MAPT: variants seen among roughly 807,000 people sequenced by gnomAD.
MAPT encodes the protein microtubule associated protein tau.
MAPT carries 34 observed loss-of-function variants against 67.9 expected under a neutral mutation model. That is an observed-to-expected ratio of 0.50 (90% CI 0.38 to 0.67). The LOEUF is 0.67. Ranked by LOEUF, MAPT falls within the 30% of genes least tolerant of loss-of-function variation. MAPT has a pLI of 0.00. For synonymous variants in MAPT, 456 were observed against 464.5 expected, an observed-to-expected ratio of 0.98 and a Z score of 0.23; for missense variants, 881 against 1,115.2, an observed-to-expected ratio of 0.79 and a Z score of 2.99.
chr17:46,013,027 T>C (rs12150530), intron 10 of MAPT, among the ~76,000 whole-genome samples: 17,010 of 152,236 alleles, frequency 0.11, 1,189 homozygotes, highest in Non-Finnish European at 0.15. Flanking sequence ...ACATGCCAGC[T>C]GACACCAAAA....
chr17:46,011,039 C>T (rs1230555204), intron 10 of MAPT, among the ~76,000 whole-genome samples: 2 of 152,224 alleles, frequency 1.3e-5, no homozygotes, highest in Admixed American at 6.5e-5. Flanking sequence ...AACCAAAGTG[C>T]GACAGGTCCC....
At chr17:45,944,286 G>A (rs1299423177) in intron 1 of MAPT, among the ~76,000 whole-genome samples, 2 of 152,128 alleles carry the variant, frequency 1.3e-5, no homozygotes, top group East Asian at 1.9e-4. Flanking sequence ...ACTCCAGTCC[G>A]GGTTCCCTTT....
chr17:45,908,065 A>G (rs1027760255), intron 1 of MAPT: 8 of 152,270 alleles, frequency 5.3e-5, no homozygotes, highest in Admixed American at 2.0e-4. Context: ...CATGCCCTCC[A>G]GCCTCTGTGA....
chr17:45,954,749 G>A (rs1208932238), intron 1 of MAPT, among the ~76,000 whole-genome samples: 1 of 152,226 alleles, frequency 6.6e-6, no homozygotes, highest in Non-Finnish European at 1.5e-5. Context: ...GGGAGGCTGA[G>A]GTGGGTGGAT....
intron 1 of MAPT, among the ~76,000 whole-genome samples, chr17:45,956,307 C>G (rs1207431550): frequency 1.3e-5 from 2 of 152,036 alleles, no homozygotes; most frequent in East Asian, 3.9e-4. Flanking sequence ...CAGGGCACCG[C>G]GGGGGGCTTT....
intron 1 of MAPT, among the ~76,000 whole-genome samples, chr17:45,924,187 C>T (rs1386871824): frequency 1.3e-5 from 2 of 152,080 alleles, no homozygotes; most frequent in African/African-American, 4.8e-5. Flanking sequence ...AAGGCAGCCC[C>T]CCAGACTCCC....
At chr17:45,918,056 G>A (rs948334259) in intron 1 of MAPT, among the ~76,000 whole-genome samples, 10 of 152,162 alleles carry the variant, frequency 6.6e-5, no homozygotes, top group African/African-American at 2.2e-4. Context: ...TTACAGGCAT[G>A]AGCCACCATG....
rs1216482856 is a variant in MAPT at position 45,918,210 on chromosome 17, T to G, written c.-18+23524T>G. On this transcript the variant is annotated intron_variant, in intron 1 of 12. Transcript: ENST00000262410. ...GTCATTGGTCATCTCTCCCTGCACC[T>G]GGCTGGTCTGTTCTTGGCCACTGAA... 1.3e-5 allele frequency among the ~76,000 whole-genome samples: 2 copies of G among 152,246 alleles called. 1 individual carries two copies. Among genetic ancestry groups the G allele is most frequent in the South Asian group, 4.1e-4 (2 of 4,838 alleles).
intron 1 of MAPT, among the ~76,000 whole-genome samples, chr17:45,904,042 TTTA>T (rs1316430430): frequency 7.4e-5 from 1 of 13,560 alleles, no homozygotes; most frequent in Non-Finnish European, 1.4e-4. Flanking sequence ...ATATTATATA[TTTA>T]TATATATTAT....
At position 45,983,166 on chromosome 17, in the gene MAPT, A is replaced by G; in HGVS notation, c.587A>G (p.Tyr196Cys). 6.2e-7 allele frequency: 1 copy of G among 1,606,260 alleles called. No individual in the cohort carries two copies. The highest frequency in any genetic ancestry group is 8.5e-7 in the Non-Finnish European group (1 of 1,176,618). Residue 196 changes from tyrosine to cysteine, a missense_variant, in exon 5 of 13, where the codon TAT becomes TGT. Transcript: ENST00000262410. ...TTTCCGAAGCCCGCCACCACTGCGT[A>G]TCTCCACACAGAGCCTGAAAGTGGT... ...PAFPKPATTA[Y>C]LHTEPESGKV...
chr17:46,003,363 C>G (rs548388356), intron 9 of MAPT, among the ~76,000 whole-genome samples: 1 of 151,714 alleles, frequency 6.6e-6, no homozygotes, highest in Non-Finnish European at 1.5e-5. Context: ...ACTGCAACCT[C>G]CGCCTCCCAG....
intron 6 of MAPT, among the ~76,000 whole-genome samples, chr17:45,988,668 G>A (rs2073807363): frequency 6.6e-6 from 1 of 152,192 alleles, no homozygotes; most frequent in South Asian, 2.1e-4. Flanking sequence ...GCTCATGCCT[G>A]TAATCCCAGC....
intron 1 of MAPT, among the ~76,000 whole-genome samples, chr17:45,926,957 G>GTA (rs199741251): frequency 8.1e-4 from 87 of 107,326 alleles, no homozygotes; most frequent in Non-Finnish European, 5.9e-4. Flanking sequence ...ACATATATGT[G>GTA]TATATATATA....
In MAPT at chr17:45,993,279, T is replaced by A. The variant is rs560547832; in HGVS notation, c.1732+1693T>A. ...TTGTTTTTGTCTTTTCGCTTCGTGT[T>A]TTCTGGCCTGGTGTTTTTCTCATAT... is the stretch of plus-strand genomic sequence containing the variant. On this transcript the variant is annotated intron_variant, in intron 8 of 12. Transcript: ENST00000262410. Among the ~76,000 whole-genome samples, 4 of 152,382 alleles carry A rather than the reference T, an allele frequency of 2.6e-5. No homozygotes were observed. The South Asian group carries it at 8.3e-4, about 32-fold the overall frequency.
intron 8 of MAPT, among the ~76,000 whole-genome samples, chr17:45,992,252 C>T (rs1016964923): frequency 3.3e-5 from 5 of 152,202 alleles, no homozygotes; most frequent in African/African-American, 1.2e-4. Context: ...CACATGACTA[C>T]TAAGTGGCAG....
chr17:45,997,541 C>T (rs1264119671), intron 9 of MAPT, among the ~76,000 whole-genome samples: 1 of 152,178 alleles, frequency 6.6e-6, no homozygotes, highest in Non-Finnish European at 1.5e-5. Flanking sequence ...AGGCAGATCA[C>T]GAGGTCAGGA....
intron 11 of MAPT, among the ~76,000 whole-genome samples, chr17:46,016,599 G>A (rs1197260567): frequency 2.6e-5 from 4 of 151,332 alleles, no homozygotes; most frequent in South Asian, 4.2e-4. Flanking sequence ...GTGAAACCCT[G>A]TCTCTACTAA....
At chr17:45,976,674 G>A (rs2072393160) in intron 3 of MAPT, 1 of 152,332 alleles carries the variant, frequency 6.6e-6, no homozygotes, top group South Asian at 2.1e-4. Flanking sequence ...CACTCCCCAT[G>A]GTACAGAGAG....
chr17:45,933,950 G>C (rs1450727277), intron 1 of MAPT, among the ~76,000 whole-genome samples: 4 of 151,314 alleles, frequency 2.6e-5, no homozygotes, highest in Non-Finnish European at 5.9e-5. Flanking sequence ...AATTCTAGCA[G>C]ATTTTTCTTA....
Sources: gnomAD v4.1 joint callset for allele counts (sites outside exome capture counted in the v4.1 genomes callset) on GRCh38, gnomAD v4.1.1 for gene constraint, MANE v1.5 for transcripts, NCBI Gene and HGNC (gene_info 2026-07-23, HGNC 2026-07-21) for gene names.